Variants in SLC4A4 observed in about 807,000 individuals in gnomAD.
The protein encoded by SLC4A4 is solute carrier family 4 member 4.
Under a neutral mutation model 111.5 loss-of-function variants are expected in SLC4A4, and 27 were observed. The observed-to-expected ratio is 0.24, with a 90% CI of 0.18 to 0.33. The LOEUF is 0.33. Among genes scored for constraint, SLC4A4 ranks in the 10% least tolerant of loss-of-function variants. The pLI, the probability that SLC4A4 is intolerant of heterozygous loss-of-function variation, is 1.00. For missense variants in SLC4A4, 909 were observed against 1,315.5 expected (o/e 0.69, Z 4.78); for synonymous variants, 443 against 463.4 (o/e 0.96, Z 0.57).
intron 9 of SLC4A4, among the ~76,000 whole-genome samples, chr4:71,448,712 GT>G (rs1466400412): frequency 6.6e-6 from 1 of 152,166 alleles, no homozygotes; most frequent in Non-Finnish European, 1.5e-5. Flanking sequence ...AGGATCATTA[GT>G]TTCTGCTCCT....
chr4:71,340,536 T>C (rs1728825525), intron 4 of SLC4A4, among the ~76,000 whole-genome samples: 1 of 152,214 alleles, frequency 6.6e-6, no homozygotes, highest in South Asian at 2.1e-4. Flanking sequence ...TATCCATGCC[T>C]TCAGGAATTC....
chr4:71,305,857 T>C (rs560167222), intron 3 of SLC4A4, among the ~76,000 whole-genome samples: 1 of 152,298 alleles, frequency 6.6e-6, no homozygotes, highest in Admixed American at 6.5e-5. Flanking sequence ...TATAATGCAG[T>C]GTGAAAAGTG....
intron 18 of SLC4A4, among the ~76,000 whole-genome samples, chr4:71,534,888 A>C (rs1204761320): frequency 6.6e-6 from 1 of 152,128 alleles, no homozygotes; most frequent in Non-Finnish European, 1.5e-5. Context: ...AGGGAGAAAA[A>C]TGCTTTATTT....
intron 3 of SLC4A4, among the ~76,000 whole-genome samples, chr4:71,283,918 C>T (rs1723717440): frequency 6.6e-6 from 1 of 152,276 alleles, no homozygotes; most frequent in South Asian, 2.1e-4. Flanking sequence ...CTTCCTTATG[C>T]TAAATGAGGA....
At chr4:71,467,707 C>T (rs1006781327) in intron 13 of SLC4A4, among the ~76,000 whole-genome samples, 7 of 151,910 alleles carry the variant, frequency 4.6e-5, no homozygotes, top group African/African-American at 1.7e-4. Context: ...GAAGGGGAAA[C>T]GTGAGTTTCC....
At chr4:71,527,671 C>T (rs540968445) in intron 16 of SLC4A4, among the ~76,000 whole-genome samples, 70 of 150,666 alleles carry the variant, frequency 4.6e-4, no homozygotes, top group African/African-American at 1.7e-3. Context: ...TACTTGCCAC[C>T]GTGTATTTCC....
At chr4:71,487,245 T>G (rs140313810) in intron 15 of SLC4A4, among the ~76,000 whole-genome samples, 4 of 151,748 alleles carry the variant, frequency 2.6e-5, no homozygotes, top group African/African-American at 9.6e-5. Flanking sequence ...CAATATTTAC[T>G]TCTATAACAT....
chr4:71,102,089 G>A (rs1742757786), intron 2 of SLC4A4, among the ~76,000 whole-genome samples: 2 of 152,216 alleles, frequency 1.3e-5, no homozygotes, highest in Admixed American at 6.5e-5. Flanking sequence ...AGCTGATGGA[G>A]CTGAAAACCA....
chr4:71,350,695 T>C (rs1351466933), intron 5 of SLC4A4, among the ~76,000 whole-genome samples: 5 of 152,188 alleles, frequency 3.3e-5, no homozygotes, highest in Non-Finnish European at 7.3e-5. Context: ...GCATTCATAT[T>C]ATCTATAATG....
intron 7 of SLC4A4, chr4:71,436,981 A>G: frequency 2.8e-6 from 1 of 351,468 alleles, no homozygotes; most frequent in South Asian, 2.3e-5. Flanking sequence ...TTAAAAAAAA[A>G]GATTCTTCAA....
rs1266830377 is a variant in SLC4A4 at position 71,399,449 on chromosome 4, G to A, written c.807+1796G>A. On this transcript the variant is annotated intron_variant, in intron 7 of 25. Transcript: ENST00000264485. ...CTCCCGTCCCTTCCCCTCCCCTTCC[G>A]TCCCCTCCCCTCCGTTCCCCTCCCC... Among the ~76,000 whole-genome samples, 17 of 61,912 alleles carry A rather than the reference G, an allele frequency of 2.7e-4. 1 individual carries two copies. Among genetic ancestry groups the A allele is most frequent in the African/African-American group, 9.0e-4 (13 of 14,486 alleles). 40.6% of individuals were successfully genotyped at this position (61,912 alleles called of 152,430 possible).
At chr4:71,370,576 G>T (rs1193999984) in intron 6 of SLC4A4, among the ~76,000 whole-genome samples, 1 of 152,096 alleles carries the variant, frequency 6.6e-6, no homozygotes. Flanking sequence ...GTAAACCTGG[G>T]TGTTTCAACC....
At chr4:71,414,698 G>A (rs1289223053) in intron 7 of SLC4A4, among the ~76,000 whole-genome samples, 1 of 152,068 alleles carries the variant, frequency 6.6e-6, no homozygotes, top group Non-Finnish European at 1.5e-5. Flanking sequence ...GCCCCACAAT[G>A]TTTTTTCATT....
chr4:71,491,033 A>G (rs1042610731), intron 15 of SLC4A4, among the ~76,000 whole-genome samples: 2 of 97,224 alleles, frequency 2.1e-5, no homozygotes, highest in African/African-American at 5.2e-5. Context: ...TAAAACTATG[A>G]TTTTTATAGG....
intron 2 of SLC4A4, among the ~76,000 whole-genome samples, chr4:71,248,148 C>A (rs550520404): frequency 6.6e-5 from 10 of 152,166 alleles, no homozygotes; most frequent in African/African-American, 2.4e-4. Flanking sequence ...GACTCTTTTG[C>A]CCTCCTCTAG....
Position 71,445,011 on chromosome 4 carries a change from A to G in SLC4A4, c.966-2635A>G, listed in dbSNP as rs528299216. On this transcript the variant is annotated intron_variant, in intron 8 of 25. Coordinates refer to ENST00000264485, the MANE Select transcript of SLC4A4 (RefSeq NM_001098484.3). ...TTGGTGTTATTCCATTAATGAAGAA[A>G]TACCTTCTTTAAAAAATAAAAATTG... is the stretch of plus-strand genomic sequence containing the variant. 6.6e-5 allele frequency among the ~76,000 whole-genome samples: 10 copies of G among 152,280 alleles called. No individual in the cohort carries two copies. In the East Asian group the frequency reaches 1.9e-3, roughly 29 times the overall value.
At chr4:71,276,062 C>A (rs902305147) in intron 3 of SLC4A4, among the ~76,000 whole-genome samples, 3 of 152,146 alleles carry the variant, frequency 2.0e-5, no homozygotes, top group Admixed American at 6.5e-5. Context: ...ATTGAGGACC[C>A]AAAGAAGGGG....
At chr4:71,439,435 CAAAAAAAAAAAAAAA>C (rs56283596) in intron 7 of SLC4A4, among the ~76,000 whole-genome samples, 89 of 34,178 alleles carry the variant, frequency 2.6e-3, no homozygotes, top group Admixed American at 8.8e-3. Flanking sequence ...GACTCTGTCT[CAAAAAAAAAAAAAAA>C]AAAAAAAAAA....
intron 3 of SLC4A4, among the ~76,000 whole-genome samples, chr4:71,313,226 A>C (rs1427579705): frequency 6.6e-6 from 1 of 152,166 alleles, no homozygotes; most frequent in Non-Finnish European, 1.5e-5. Context: ...TACAAGGGAC[A>C]TGAAGGACCT....
Sources: allele counts gnomAD v4.1 joint callset (sites outside exome capture counted in the v4.1 genomes callset), GRCh38; gene constraint gnomAD v4.1.1; transcripts MANE v1.5; gene names NCBI Gene and HGNC (gene_info 2026-07-23, HGNC 2026-07-21).